Variants in MAP2K2 observed in about 807,000 individuals in gnomAD.
The protein encoded by MAP2K2 is dual specificity mitogen-activated protein kinase kinase 2.
MAP2K2 carries 24 observed loss-of-function variants against 43.7 expected under a neutral mutation model. The ratio of observed to expected loss-of-function variants is 0.55; its 90% CI spans 0.40 to 0.77. MAP2K2 has a LOEUF of 0.77. MAP2K2 is among the 30% of genes least tolerant of loss of function. The pLI, the probability that MAP2K2 is intolerant of heterozygous loss-of-function variation, is 0.00. For synonymous variants in MAP2K2, 244 were observed against 239.7 expected (o/e 1.02, Z -0.17); for missense variants, 470 against 566.8 (o/e 0.83, Z 1.73).
chr19:4,107,955 T>G (rs1208614528), intron 3 of MAP2K2, among the ~76,000 whole-genome samples: 1 of 152,096 alleles, frequency 6.6e-6, no homozygotes, highest in African/African-American at 2.4e-5. Context: ...GGGTGAGCGG[T>G]GGGGCCGAGA....
chr19:4,121,566 C>T (rs2041293553), intron 1 of MAP2K2, among the ~76,000 whole-genome samples: 1 of 107,092 alleles, frequency 9.3e-6, no homozygotes, highest in South Asian at 4.2e-4. Context: ...TCCCAGAACC[C>T]CCACAACATG....
intron 7 of MAP2K2, among the ~76,000 whole-genome samples, chr19:4,098,481 G>T (rs1366782371): frequency 6.6e-6 from 1 of 152,100 alleles, no homozygotes; most frequent in Non-Finnish European, 1.5e-5. Context: ...GGGGTCTGAC[G>T]CCACCAACTC....
intron 6 of MAP2K2, chr19:4,099,829 G>A (rs929724738): frequency 1.1e-5 from 3 of 273,436 alleles, no homozygotes; most frequent in Non-Finnish European, 2.1e-5. Context: ...AATTAACTAA[G>A]GGCCGGGTGC....
intron 2 of MAP2K2, among the ~76,000 whole-genome samples, chr19:4,114,932 A>C (rs1368942992): frequency 6.6e-6 from 1 of 152,178 alleles, no homozygotes; most frequent in Non-Finnish European, 1.5e-5. Flanking sequence ...TCTGTCTCAA[A>C]AAAATAAATA....
chr19:4,094,397 G>C, intron 10 of MAP2K2, 56 bp downstream of exon 10: 1 of 1,534,488 alleles, frequency 6.5e-7, no homozygotes, highest in East Asian at 2.4e-5. Context: ...TTATTTCCTG[G>C]GGCCTGGGTG....
intron 6 of MAP2K2, chr19:4,099,731 C>T (rs2040973889): frequency 4.9e-6 from 2 of 411,882 alleles, no homozygotes; most frequent in East Asian, 4.1e-5. Context: ...GCTAACATCT[C>T]AGAGGCTGCT....
intron 1 of MAP2K2, among the ~76,000 whole-genome samples, chr19:4,120,259 G>C (rs2041275492): frequency 6.6e-6 from 1 of 152,158 alleles, no homozygotes; most frequent in African/African-American, 2.4e-5. Flanking sequence ...CCTGGGAGTG[G>C]GACAGAAGGT....
rs201271796 is a variant in MAP2K2 at position 4,117,412 on chromosome 19, T to C, written c.303+7A>G. On this transcript the variant is annotated splice_region_variant and intron_variant, in intron 2 of 10. Coordinates refer to ENST00000262948, the MANE Select transcript of MAP2K2 (RefSeq NM_030662.4). ...CTCCCCGACCTCCCCGACCCCGCAG[T>C]GCTCACCTTCCTGGCCATGATGAGG... The C allele has an allele frequency of 1.2e-5, 20 of 1,612,204 alleles. No individual in the cohort carries two copies. In the East Asian group the frequency reaches 4.5e-4, roughly 36 times the overall value.
At chr19:4,100,840 A>C (rs115066613) in intron 6 of MAP2K2, 179 bp downstream of exon 6, 10 of 711,836 alleles carry the variant, frequency 1.4e-5, no homozygotes, top group Non-Finnish European at 2.4e-5. Context: ...CCCACGAAAT[A>C]GTTGGGAAAG....
At chr19:4,092,140 T>G (rs1272229735) in intron 10 of MAP2K2, among the ~76,000 whole-genome samples, 1 of 152,210 alleles carries the variant, frequency 6.6e-6, no homozygotes. Flanking sequence ...TCCAGGACCT[T>G]GGGCCCCTGA....
Position 4,090,646 on chromosome 19 carries a change from T to G in MAP2K2, c.1155A>C (p.Lys385Asn). 1 of 1,557,566 alleles carries G rather than the reference T, an allele frequency of 6.4e-7. No individual in the cohort carries two copies. Among genetic ancestry groups the G allele is most frequent in the South Asian group, 1.2e-5 (1 of 84,614 alleles). The stretch of plus-strand genomic sequence containing the variant: ...TGCCGGGCTGGTTCAGCCGCAGGGT[T>G]TTACACAACCAGCCGGCAAAATCCA... ...EEVDFAGWLCKTLRLNQPGTP... is the reference protein window; with the variant it reads ...EEVDFAGWLCNTLRLNQPGTP... Residue 385 changes from lysine (K) to asparagine (N), a missense_variant, in exon 11 of 11, where the codon AAA becomes AAC. This residue lies in a region of MAP2K2 where 212 missense variants were observed against 220.8 expected (regional missense o/e 0.96). Coordinates refer to ENST00000262948, the MANE Select transcript of MAP2K2 (RefSeq NM_030662.4).
intron 7 of MAP2K2, among the ~76,000 whole-genome samples, chr19:4,097,704 G>T (rs779932407): frequency 6.6e-6 from 1 of 152,196 alleles, no homozygotes; most frequent in African/African-American, 2.4e-5. Flanking sequence ...AAGGACAGCC[G>T]CGTGACCTTG....
chr19:4,105,616 G>T (rs1322348820), intron 3 of MAP2K2, among the ~76,000 whole-genome samples: 1 of 152,044 alleles, frequency 6.6e-6, no homozygotes, highest in Non-Finnish European at 1.5e-5. Flanking sequence ...TAAATAACCT[G>T]GACGCCGCAT....
intron 1 of MAP2K2, among the ~76,000 whole-genome samples, chr19:4,118,267 C>T (rs1568264218): frequency 1.3e-5 from 2 of 152,158 alleles, no homozygotes; most frequent in African/African-American, 2.4e-5. Context: ...GCACGAGCTC[C>T]GGACCATGTC....
chr19:4,103,564 C>T (rs1049112680), intron 3 of MAP2K2: 17 of 117,128 alleles, frequency 1.5e-4, no homozygotes, highest in African/African-American at 4.5e-4. Context: ...GCTGGGGAGC[C>T]TGGATTTCCC....
intron 10 of MAP2K2, among the ~76,000 whole-genome samples, chr19:4,091,513 C>G (rs2040854724): frequency 3.3e-5 from 5 of 151,850 alleles, no homozygotes; most frequent in Admixed American, 3.3e-4. Context: ...CCACCACACC[C>G]AGCTAATTTT....
intron 8 of MAP2K2, among the ~76,000 whole-genome samples, chr19:4,097,055 G>C (rs887530140): frequency 4.7e-5 from 7 of 150,246 alleles, no homozygotes; most frequent in Admixed American, 1.3e-4. Context: ...TTAGCTGGGT[G>C]TGGTGGTGCG....
intron 4 of MAP2K2, 148 bp downstream of exon 4, chr19:4,102,228 G>A (rs1387332989): frequency 2.8e-6 from 2 of 711,094 alleles, no homozygotes; most frequent in Admixed American, 2.0e-5. Flanking sequence ...AAGCTCCACA[G>A]CAGGTGGGCA....
chr19:4,112,084 G>A (rs2041161912), intron 2 of MAP2K2, among the ~76,000 whole-genome samples: 1 of 152,218 alleles, frequency 6.6e-6, no homozygotes, highest in South Asian at 2.1e-4. Context: ...CTGAGGCTTT[G>A]GGACGGCACC....
Sources: allele counts gnomAD v4.1 joint callset (sites outside exome capture counted in the v4.1 genomes callset), GRCh38; gene constraint gnomAD v4.1.1; regional missense constraint gnomAD v4.1.1; transcripts MANE v1.5; gene names NCBI Gene and HGNC (gene_info 2026-07-23, HGNC 2026-07-21).